The following CLIP4 variants were observed in gnomAD, a reference collection of about 807,000 sequenced individuals.
CLIP4 encodes CAP-Gly domain-containing linker protein 4.
A neutral mutation model predicts 73.1 loss-of-function variants in CLIP4; 47 were observed. The observed-to-expected ratio is 0.64, with a 90% CI of 0.51 to 0.82. CLIP4 has a LOEUF of 0.82. Ranked by LOEUF, CLIP4 falls within the 40% of genes least tolerant of loss-of-function variation. The pLI, the probability that CLIP4 is intolerant of heterozygous loss-of-function variation, is 0.00. For missense variants in CLIP4, 874 were observed against 852.9 expected (o/e 1.02, Z -0.31); for synonymous variants, 306 against 295.4 (o/e 1.04, Z -0.37).
intron 8 of CLIP4, among the ~76,000 whole-genome samples, chr2:29,145,585 AG>A (rs34214410): frequency 6.6e-6 from 1 of 152,212 alleles, no homozygotes; most frequent in African/African-American, 2.4e-5. Context: ...CAGGAGAGAA[AG>A]GGGACATTTC....
chr2:29,113,160 G>A (rs1668425521), upstream of CLIP4, among the ~76,000 whole-genome samples: 1 of 152,196 alleles, frequency 6.6e-6, no homozygotes, highest in South Asian at 2.1e-4. This position sits in a 1 kb window ranked among gnomAD's most constrained non-coding sequence, Gnocchi z 4.0. Flanking sequence ...TTCTTCATTT[G>A]TAAAGTGAAG....
At position 29,145,289 on chromosome 2, in the gene CLIP4, A is replaced by AT. The variant is rs1338933572; in HGVS notation, c.945dup (p.Glu316Ter). ...ATTTGCAAGTGGGCAGTGGGCTGGC[A>AT]TTGAACTGGATGAACCAGAAGGAAA... On this transcript the variant is annotated frameshift_variant, in exon 8 of 16. Transcript: ENST00000320081. LOFTEE classifies it high-confidence loss of function. 6.2e-7 allele frequency: 1 copy of AT among 1,613,726 alleles called. No individual in the cohort carries two copies. Among genetic ancestry groups the AT allele is most frequent in the Non-Finnish European group, 8.5e-7 (1 of 1,179,782 alleles).
intron 8 of CLIP4, 24 bp from the exon 9 acceptor site, chr2:29,152,655 TTAACAC>T (rs750165342): frequency 6.2e-7 from 1 of 1,604,126 alleles, no homozygotes; most frequent in Non-Finnish European, 8.5e-7. Context: ...TTTTAATTGT[TTAACAC>T]TAAAATTCTG....
chr2:29,139,456 T>C (rs931013146), intron 6 of CLIP4, among the ~76,000 whole-genome samples: 2 of 152,154 alleles, frequency 1.3e-5, no homozygotes, highest in African/African-American at 4.8e-5. Flanking sequence ...TTTTGTTGTG[T>C]CTTTGCCAGA....
At chr2:29,140,358 C>G (rs1387575238) in intron 6 of CLIP4, among the ~76,000 whole-genome samples, 3 of 152,146 alleles carry the variant, frequency 2.0e-5, no homozygotes, top group Admixed American at 1.3e-4. Flanking sequence ...CGATAGTTTA[C>G]TGAGAATGAT....
intron 1 of CLIP4, among the ~76,000 whole-genome samples, chr2:29,116,126 C>T (rs1663806778): frequency 6.6e-6 from 1 of 152,218 alleles, no homozygotes; most frequent in African/African-American, 2.4e-5. Flanking sequence ...AAAGCTAAAC[C>T]AAATGGCTGT....
chr2:29,156,716 AG>A (rs1299330620), intron 10 of CLIP4, among the ~76,000 whole-genome samples: 1 of 152,206 alleles, frequency 6.6e-6, no homozygotes, highest in African/African-American at 2.4e-5. Context: ...CATAATATAG[AG>A]CACTCTACAC....
intron 1 of CLIP4, among the ~76,000 whole-genome samples, chr2:29,102,978 C>G (rs1289610498): frequency 6.6e-6 from 1 of 152,080 alleles, no homozygotes; most frequent in Admixed American, 6.5e-5. Flanking sequence ...TAAAACTCCC[C>G]CATATATTCT....
intron 2 of CLIP4, among the ~76,000 whole-genome samples, chr2:29,124,555 A>G (rs558482327): frequency 6.6e-6 from 1 of 152,222 alleles, no homozygotes; most frequent in South Asian, 2.1e-4. Flanking sequence ...CCCCGTTTTC[A>G]GATACTGTAA....
At chr2:29,100,656 C>A (rs893467578) in intron 1 of CLIP4, among the ~76,000 whole-genome samples, 8 of 151,612 alleles carry the variant, frequency 5.3e-5, no homozygotes, top group African/African-American at 1.9e-4. Context: ...GTGTGTCCTC[C>A]TGAGCAAAGA....
chr2:29,136,883 G>T (rs79771739), intron 6 of CLIP4, among the ~76,000 whole-genome samples: 5 of 151,448 alleles, frequency 3.3e-5, no homozygotes, highest in South Asian at 2.1e-4. Context: ...CATGAGATAC[G>T]TTATTGAGCT....
chr2:29,171,483 T>C (rs1667997390), intron 14 of CLIP4, among the ~76,000 whole-genome samples: 1 of 152,120 alleles, frequency 6.6e-6, no homozygotes, highest in Non-Finnish European at 1.5e-5. Flanking sequence ...GTTCTTATGT[T>C]TTTAGAATAT....
rs912629408 is a variant in CLIP4 at position 29,130,472 on chromosome 2, C to T, written c.134-786C>T. The stretch of plus-strand genomic sequence containing the variant: ...ACTGATTTGCTGCAATGTGCTGAGT[C>T]ATGCTGACCAAGAAATGAAGTTCAA... On this transcript the variant is annotated intron_variant, in intron 2 of 15. Coordinates refer to ENST00000320081, the MANE Select transcript of CLIP4 (RefSeq NM_024692.6). 2.6e-5 allele frequency: 7 copies of T among 265,640 alleles called. No homozygotes were observed. In the South Asian group the frequency reaches 3.1e-4, roughly 12 times the overall value. 16.5% of individuals were successfully genotyped at this position (265,640 alleles called of 1,614,324 possible).
intron 1 of CLIP4, 75 bp from the exon 2 acceptor site, chr2:29,121,299 G>A: frequency 7.6e-7 from 1 of 1,323,398 alleles, no homozygotes; most frequent in Non-Finnish European, 1.0e-6. Flanking sequence ...TAACTTTTAG[G>A]CAGTTATTGA....
Position 29,143,400 on chromosome 2 carries a change from G to GTTTT in CLIP4, c.649-300_649-297dup, listed in dbSNP as rs745440777. On this transcript the variant is annotated intron_variant, in intron 6 of 15. Transcript: ENST00000320081. ...TCCACATTTCCTATTCCCCTTCCCTGTTTTTTTTTTTTCCCTCCAGGCCAC... is the reference window on the plus strand; with the variant it reads ...TCCACATTTCCTATTCCCCTTCCCTGTTTTTTTTTTTTTTTTCCCTCCAGGCCAC... Among the ~76,000 whole-genome samples, 85 of 39,450 alleles carry GTTTT rather than the reference G, an allele frequency of 2.2e-3. 2 individuals are homozygous for GTTTT. The highest frequency in any genetic ancestry group is 1.3e-3 in the South Asian group (1 of 756). 25.9% of individuals were successfully genotyped at this position (39,450 alleles called of 152,430 possible).
intron 10 of CLIP4, 132 bp from the exon 11 acceptor site, chr2:29,157,072 A>G: frequency 2.8e-6 from 2 of 723,116 alleles, no homozygotes; most frequent in East Asian, 5.0e-5. Flanking sequence ...GAAATTAGGC[A>G]TTTAATTTGA....
At chr2:29,145,431 CA>C (rs1441173984) in intron 8 of CLIP4, 64 bp downstream of exon 8, 9 of 1,366,226 alleles carry the variant, frequency 6.6e-6, no homozygotes, top group Non-Finnish European at 9.1e-6. Context: ...TACTCTTTTA[CA>C]GTTGTTAAAT....
At chr2:29,166,154 G>A (rs1022420022) in intron 13 of CLIP4, among the ~76,000 whole-genome samples, 4 of 152,050 alleles carry the variant, frequency 2.6e-5, no homozygotes, top group South Asian at 4.2e-4. Context: ...ATTTTGAGGC[G>A]TTTCTAATCT....
intron 8 of CLIP4, among the ~76,000 whole-genome samples, chr2:29,148,201 C>T (rs1666300332): frequency 6.6e-6 from 1 of 152,154 alleles, no homozygotes. Flanking sequence ...CAGGTCACGG[C>T]TAAGCTACTT....
Sources: allele counts gnomAD v4.1 joint callset (sites outside exome capture counted in the v4.1 genomes callset), GRCh38; gene constraint gnomAD v4.1.1; non-coding constraint Gnocchi (gnomAD v3.1); transcripts MANE v1.5; gene names NCBI Gene and HGNC (gene_info 2026-07-23, HGNC 2026-07-21).